The following CSMD1 variants were observed in gnomAD, a reference collection of about 807,000 sequenced individuals.
CSMD1 encodes the protein CUB and sushi domain-containing protein 1.
A neutral mutation model predicts 417.5 loss-of-function variants in CSMD1; 213 were observed. That is an observed-to-expected ratio of 0.51 (90% confidence interval 0.46 to 0.57). The LOEUF (loss-of-function observed/expected upper bound fraction) is 0.57, where lower values mean the gene tolerates loss of function less well. Among genes scored for constraint, CSMD1 ranks in the 20% least tolerant of loss-of-function variants. The probability of loss-of-function intolerance (pLI) is 0.00; values close to 1 mark genes in which losing one functional copy is unlikely to be tolerated. For synonymous variants in CSMD1, 2,862 were observed against 1,736.8 expected, an observed-to-expected ratio of 1.65 and a Z score of -16.11; for missense variants, 6,923 against 4,529.7, an observed-to-expected ratio of 1.53 and a Z score of -15.17.
At chr8:4,169,950 T>A (rs1797675996) in intron 3 of CSMD1, among the ~76,000 whole-genome samples, 1 of 149,980 alleles carries the variant, frequency 6.7e-6, no homozygotes, top group African/African-American at 2.5e-5. Context: ...TTGGCTTGCG[T>A]GTGTGTTTTC....
At chr8:3,527,174 A>G (rs1437032223) in intron 10 of CSMD1, among the ~76,000 whole-genome samples, 2 of 152,228 alleles carry the variant, frequency 1.3e-5, no homozygotes, top group East Asian at 3.8e-4. Context: ...ACAAAAAAAT[A>G]AAATTTTAAT....
rs1554518393 is a variant in CSMD1, at chr8:3,709,680, G to GGCTTTTTTTTTTTTTTTTTTTTTTTT, written c.932-1190_932-1189insAAAAAAAAAAAAAAAAAAAAAAAAGC. Among the ~76,000 whole-genome samples, 8 of 33,694 alleles carry GGCTTTTTTTTTTTTTTTTTTTTTTTT rather than the reference G, an allele frequency of 2.4e-4. 1 individual carries two copies. Among genetic ancestry groups the GGCTTTTTTTTTTTTTTTTTTTTTTTT allele is most frequent in the African/African-American group, 6.4e-4 (6 of 9,434 alleles). The allele number at this position is 33,694 out of a possible 152,430, so 22.1% of individuals were successfully genotyped here. A position where few individuals can be genotyped will look rare whatever the true frequency, so the allele number is the denominator to read the frequency against. ...GATGGGCTTTAAATTGCAGCAGCATGTTTTTTTTTTTTTTTTTTTTTTTTT... is the reference window on the plus strand; with the variant it reads ...GATGGGCTTTAAATTGCAGCAGCATGGCTTTTTTTTTTTTTTTTTTTTTTTTTTTTTTTTTTTTTTTTTTTTTTTTT... On this transcript the variant is annotated intron_variant, in intron 6 of 69. Transcript: ENST00000635120.
At chr8:4,248,168 A>T (rs1802825184) in intron 3 of CSMD1, among the ~76,000 whole-genome samples, 1 of 152,204 alleles carries the variant, frequency 6.6e-6, no homozygotes, top group Admixed American at 6.5e-5. Context: ...AATTGCTTTG[A>T]AACTTGAAGC....
intron 5 of CSMD1, among the ~76,000 whole-genome samples, chr8:3,914,913 T>C (rs930056121): frequency 6.6e-6 from 1 of 152,148 alleles, no homozygotes; most frequent in Admixed American, 6.5e-5. Flanking sequence ...AACTCAATAA[T>C]TACTGATTGA....
intron 1 of CSMD1, among the ~76,000 whole-genome samples, chr8:4,751,143 G>C (rs1046266333): frequency 6.6e-6 from 1 of 152,218 alleles, no homozygotes. Context: ...CCAGCACTTT[G>C]GGAGGCCGAG....
chr8:4,285,575 T>G (rs1423977361), intron 3 of CSMD1, among the ~76,000 whole-genome samples: 1 of 152,248 alleles, frequency 6.6e-6, no homozygotes. Flanking sequence ...TCGCTAATGC[T>G]GATTTTGGAC....
At chr8:4,910,516 C>T (rs1327160098) in intron 1 of CSMD1, among the ~76,000 whole-genome samples, 1 of 152,140 alleles carries the variant, frequency 6.6e-6, no homozygotes, top group Non-Finnish European at 1.5e-5. Flanking sequence ...CTGTGTTTTC[C>T]CATGGTAAAA....
chr8:3,567,710 C>A (rs997868980), intron 10 of CSMD1, among the ~76,000 whole-genome samples: 37 of 152,266 alleles, frequency 2.4e-4, no homozygotes, highest in African/African-American at 8.4e-4. Flanking sequence ...TTTCCCCTCT[C>A]TGAATTTCTG....
At chr8:4,094,265 G>A (rs1003705769) in intron 3 of CSMD1, among the ~76,000 whole-genome samples, 2 of 152,090 alleles carry the variant, frequency 1.3e-5, no homozygotes, top group Non-Finnish European at 2.9e-5. Flanking sequence ...AATCAGGGGT[G>A]ATCTACTGGG....
At chr8:3,342,570 T>A (rs1807730050) in intron 23 of CSMD1, among the ~76,000 whole-genome samples, 1 of 152,218 alleles carries the variant, frequency 6.6e-6, no homozygotes. Flanking sequence ...GTGGCAGTTA[T>A]CACTTTGCAA....
chr8:4,771,286 C>G (rs959512019), intron 1 of CSMD1, among the ~76,000 whole-genome samples: 2 of 152,174 alleles, frequency 1.3e-5, no homozygotes. Context: ...TACCAATGTT[C>G]TCTACCATAT....
At chr8:4,040,859 G>A (rs1216670588) in intron 3 of CSMD1, among the ~76,000 whole-genome samples, 3 of 152,106 alleles carry the variant, frequency 2.0e-5, no homozygotes, top group Non-Finnish European at 4.4e-5. Context: ...AAATAAAAAT[G>A]CTGTTGCAAG....
chr8:4,875,996 A>G (rs1428288534), intron 1 of CSMD1, among the ~76,000 whole-genome samples: 1 of 152,096 alleles, frequency 6.6e-6, no homozygotes, highest in Non-Finnish European at 1.5e-5. Context: ...TTTTATTTTT[A>G]TAGTAAAGAG....
chr8:3,462,103 T>G (rs557746491), intron 12 of CSMD1, among the ~76,000 whole-genome samples: 1 of 142,628 alleles, frequency 7.0e-6, no homozygotes, highest in Admixed American at 7.2e-5. Flanking sequence ...ACCATTTGGG[T>G]GCTCTCTTCA....
rs947743788 is a variant in CSMD1, at chr8:3,832,281, C to A, written c.819-78239G>T. ...CTGATTTCCCTTATTCCTGAGTACACGGGATTATTTTAATCTTTACCGTTA... is the reference window on the plus strand; with the variant it reads ...CTGATTTCCCTTATTCCTGAGTACAAGGGATTATTTTAATCTTTACCGTTA... On this transcript the variant is annotated intron_variant, in intron 5 of 69. Transcript: ENST00000635120. 2.0e-5 allele frequency among the ~76,000 whole-genome samples: 3 copies of A among 152,216 alleles called. No homozygotes were observed. The East Asian group carries it at 5.8e-4, about 29-fold the overall frequency.
chr8:4,196,826 C>A (rs970171597), intron 3 of CSMD1, among the ~76,000 whole-genome samples: 3 of 152,108 alleles, frequency 2.0e-5, no homozygotes, highest in Admixed American at 2.0e-4. Flanking sequence ...AATGAACACA[C>A]TGGGGGTGAT....
chr8:3,310,384 T>G (rs976266904), intron 23 of CSMD1, among the ~76,000 whole-genome samples: 2 of 152,160 alleles, frequency 1.3e-5, no homozygotes, highest in Admixed American at 1.3e-4. Flanking sequence ...GAACAAGTCT[T>G]TAGAAGGCAG....
intron 1 of CSMD1, among the ~76,000 whole-genome samples, chr8:4,745,668 C>A (rs1370151003): frequency 3.9e-5 from 6 of 152,150 alleles, no homozygotes; most frequent in East Asian, 1.9e-4. Context: ...AAAGAAAACA[C>A]AGATTTTAAG....
intron 3 of CSMD1, among the ~76,000 whole-genome samples, chr8:4,307,385 C>T (rs1348921852): frequency 6.6e-6 from 1 of 152,138 alleles, no homozygotes; most frequent in East Asian, 1.9e-4. Context: ...GCTTGGCCTC[C>T]TGCACTCTTT....
Sources: gnomAD v4.1 joint callset for allele counts (sites outside exome capture counted in the v4.1 genomes callset) on GRCh38, gnomAD v4.1.1 for gene constraint, MANE v1.5 for transcripts, NCBI Gene and HGNC (gene_info 2026-07-23, HGNC 2026-07-21) for gene names.